CDK14: variants seen among roughly 807,000 people sequenced by gnomAD.
CDK14 encodes the protein cyclin dependent kinase 14.
Under a neutral mutation model 60.7 loss-of-function variants are expected in CDK14, and 34 were observed. The observed-to-expected ratio is 0.56, with a 90% confidence interval of 0.43 to 0.75. CDK14 has a LOEUF of 0.75. Among genes scored for constraint, CDK14 ranks in the 30% least tolerant of loss-of-function variants. The probability of loss-of-function intolerance (pLI) is 0.00; values close to 1 mark genes in which losing one functional copy is unlikely to be tolerated. For missense variants in CDK14, 482 were observed against 564.1 expected (o/e 0.85, Z 1.47); for synonymous variants, 197 against 203.7 (o/e 0.97, Z 0.28).
chr7:90,682,774 CCTT>C (rs1801346924), intron 2 of CDK14, among the ~76,000 whole-genome samples: 1 of 152,182 alleles, frequency 6.6e-6, no homozygotes, highest in Non-Finnish European at 1.5e-5. Flanking sequence ...AGTTCTTCAG[CCTT>C]CTTCTATATT....
intron 14 of CDK14, among the ~76,000 whole-genome samples, chr7:91,168,803 T>A (rs193113521): frequency 1.7e-3 from 263 of 152,316 alleles, no homozygotes; most frequent in African/African-American, 6.0e-3. Flanking sequence ...CAAGGGAGAT[T>A]ATTATTTTCA....
At chr7:91,067,628 C>T (rs542490512) in intron 11 of CDK14, among the ~76,000 whole-genome samples, 1 of 152,306 alleles carries the variant, frequency 6.6e-6, no homozygotes, top group South Asian at 2.1e-4. Context: ...GCACCTGGCA[C>T]ACAGGCACAT....
intron 2 of CDK14, among the ~76,000 whole-genome samples, chr7:90,680,640 G>A (rs1269910803): frequency 6.6e-6 from 1 of 152,188 alleles, no homozygotes; most frequent in Admixed American, 6.5e-5. Flanking sequence ...AGTGAATAGA[G>A]TTGCATGTCT....
At chr7:91,196,714 CT>C (rs1802553567) in intron 14 of CDK14, among the ~76,000 whole-genome samples, 1 of 152,172 alleles carries the variant, frequency 6.6e-6, no homozygotes, top group South Asian at 2.1e-4. Flanking sequence ...ATGTGATTGA[CT>C]GTGACTTCAA....
At chr7:91,056,404 A>C (rs1797560149) in intron 11 of CDK14, among the ~76,000 whole-genome samples, 1 of 152,092 alleles carries the variant, frequency 6.6e-6, no homozygotes, top group African/African-American at 2.4e-5. Flanking sequence ...TCAGCATGTG[A>C]AAATTCTTTT....
At chr7:91,179,756 T>C (rs1482161392) in intron 14 of CDK14, among the ~76,000 whole-genome samples, 3 of 151,918 alleles carry the variant, frequency 2.0e-5, no homozygotes, top group African/African-American at 7.3e-5. Context: ...TGAGTGGAGA[T>C]TGCACCACTG....
chr7:90,923,806 G>T (rs1476887643), intron 8 of CDK14, among the ~76,000 whole-genome samples: 1 of 152,126 alleles, frequency 6.6e-6, no homozygotes, highest in African/African-American at 2.4e-5. Flanking sequence ...CAGAATTGTT[G>T]GCAGTAAATC....
At chr7:90,874,576 C>T (rs1279608737) in intron 6 of CDK14, among the ~76,000 whole-genome samples, 8 of 122,572 alleles carry the variant, frequency 6.5e-5, no homozygotes, top group African/African-American at 9.2e-5. Flanking sequence ...GGCCGGACTG[C>T]GGACTGCAGT....
chr7:90,993,831 T>A (rs1441575228), intron 10 of CDK14, among the ~76,000 whole-genome samples: 1 of 152,214 alleles, frequency 6.6e-6, no homozygotes, highest in East Asian at 1.9e-4. Context: ...GTTTATTTAC[T>A]TTTCTATTAA....
chr7:90,642,084 C>A (rs1378967064), intron 2 of CDK14, among the ~76,000 whole-genome samples: 1 of 152,206 alleles, frequency 6.6e-6, no homozygotes, highest in Non-Finnish European at 1.5e-5. Flanking sequence ...ATGGGAGCTA[C>A]AAGATGAGAT....
chr7:90,852,328 G>A (rs1790673755), intron 5 of CDK14, among the ~76,000 whole-genome samples: 1 of 152,188 alleles, frequency 6.6e-6, no homozygotes, highest in Non-Finnish European at 1.5e-5. Flanking sequence ...TTTGCTATAT[G>A]TAACTTTGCA....
chr7:90,915,946 A>T (rs567265822), intron 7 of CDK14, among the ~76,000 whole-genome samples: 14 of 152,358 alleles, frequency 9.2e-5, no homozygotes, highest in Non-Finnish European at 1.9e-4. Flanking sequence ...ACATTCTGAT[A>T]AGACTCTGCT....
chr7:91,180,068 T>C (rs772701937), intron 14 of CDK14, among the ~76,000 whole-genome samples: 3 of 152,146 alleles, frequency 2.0e-5, no homozygotes, highest in Non-Finnish European at 4.4e-5. Context: ...ATAAGGGAAG[T>C]GCACTGGAAG....
At chr7:90,637,706 C>T (rs1164968967) in intron 2 of CDK14, among the ~76,000 whole-genome samples, 4 of 144,954 alleles carry the variant, frequency 2.8e-5, no homozygotes, top group Non-Finnish European at 4.5e-5. Context: ...CTTTCTGTCT[C>T]GTTGATCTGT....
rs190550257 is a variant in CDK14 at position 91,058,885 on chromosome 7, C to G, written c.1105+12925C>G. Among the ~76,000 whole-genome samples, 132 of 152,204 alleles carry G rather than the reference C, an allele frequency of 8.7e-4. 2 individuals carry two copies. The East Asian group carries it at 0.023, about 26-fold the overall frequency. On this transcript the variant is annotated intron_variant, in intron 11 of 14. Transcript: ENST00000380050. ...ATTCTCTTTTTTTGTTGTGTCTCTG[C>G]CCGGCTTTGGTATCAGGATGATGCT...
intron 10 of CDK14, among the ~76,000 whole-genome samples, chr7:91,018,491 C>T (rs1796356645): frequency 6.6e-6 from 1 of 152,158 alleles, no homozygotes; most frequent in Admixed American, 6.5e-5. Context: ...GCAGAGTCTA[C>T]ACATGGTAGA....
intron 14 of CDK14, among the ~76,000 whole-genome samples, chr7:91,135,850 T>C (rs1455307604): frequency 6.6e-6 from 1 of 152,128 alleles, no homozygotes; most frequent in Non-Finnish European, 1.5e-5. Flanking sequence ...CCTTTGTTCT[T>C]ACACAAAATA....
At chr7:90,885,488 T>C (rs909407502) in intron 6 of CDK14, among the ~76,000 whole-genome samples, 10 of 151,366 alleles carry the variant, frequency 6.6e-5, no homozygotes, top group African/African-American at 2.4e-4. Context: ...ATTGTCAGCC[T>C]TTGTGGAAGA....
At chr7:90,803,548 T>C (rs1788724082) in intron 5 of CDK14, among the ~76,000 whole-genome samples, 1 of 152,010 alleles carries the variant, frequency 6.6e-6, no homozygotes, top group Non-Finnish European at 1.5e-5. Context: ...ATTAGGTAGA[T>C]AGTGGAACCA....
Sources: gnomAD v4.1 joint callset for allele counts (sites outside exome capture counted in the v4.1 genomes callset) on GRCh38, gnomAD v4.1.1 for gene constraint, MANE v1.5 for transcripts, NCBI Gene and HGNC (gene_info 2026-07-23, HGNC 2026-07-21) for gene names.